FGF10: variants seen among roughly 807,000 people sequenced by gnomAD.
FGF10 encodes the protein fibroblast growth factor 10.
In FGF10, 2 loss-of-function variants were observed where a neutral mutation model predicts 19.8. The observed-to-expected ratio is 0.10, with a 90% CI of 0.04 to 0.32. The LOEUF (loss-of-function observed/expected upper bound fraction) is 0.32, where lower values mean the gene tolerates loss of function less well. Ranked by LOEUF, FGF10 falls within the 10% of genes least tolerant of loss-of-function variation. FGF10 has a pLI of 1.00. For synonymous variants in FGF10, 112 were observed against 94.0 expected, an observed-to-expected ratio of 1.19 and a Z score of -1.10; for missense variants, 191 against 246.3, an observed-to-expected ratio of 0.78 and a Z score of 1.50.
chr5:44,380,094 G>A (rs924461429), intron 1 of FGF10, among the ~76,000 whole-genome samples: 21 of 151,954 alleles, frequency 1.4e-4, no homozygotes, highest in Non-Finnish European at 2.9e-4. Flanking sequence ...CCCAAAATCT[G>A]GTAATTACTG....
chr5:44,369,282 A>G (rs549808138), intron 1 of FGF10, among the ~76,000 whole-genome samples: 11 of 152,238 alleles, frequency 7.2e-5, no homozygotes, highest in African/African-American at 2.4e-4. Flanking sequence ...TCAATAAACC[A>G]TAAGACATTA....
chr5:44,383,286 A>G (rs1393886940), intron 1 of FGF10, among the ~76,000 whole-genome samples: 1 of 151,768 alleles, frequency 6.6e-6, no homozygotes, highest in African/African-American at 2.4e-5. Flanking sequence ...TTCTAAAGAA[A>G]TGCACTGGAA....
At chr5:44,345,274 G>C (rs1264189228) in intron 1 of FGF10, among the ~76,000 whole-genome samples, 1 of 151,732 alleles carries the variant, frequency 6.6e-6, no homozygotes. Flanking sequence ...GACTTGATTT[G>C]AAGATACCTT....
In FGF10 at chr5:44,365,377, A is replaced by T. The variant is rs575247135; in HGVS notation, c.325+22981T>A. Among the ~76,000 whole-genome samples, 16 of 149,870 alleles carry T rather than the reference A, an allele frequency of 1.1e-4. 3 individuals are homozygous for T. In the South Asian group the frequency reaches 3.4e-3, roughly 32 times the overall value. On this transcript the variant is annotated intron_variant, in intron 1 of 2. Coordinates refer to ENST00000264664, the MANE Select transcript of FGF10 (RefSeq NM_004465.2). ...AAAAAAAAAAAAAAAGAGAGAGGTA[A>T]AAAGCTCCTTTTTGTTATTGCTTCT...
At chr5:44,330,813 A>G (rs1740716744) in intron 1 of FGF10, among the ~76,000 whole-genome samples, 1 of 152,174 alleles carries the variant, frequency 6.6e-6, no homozygotes, top group African/African-American at 2.4e-5. Context: ...AAATGTCAAA[A>G]TTACAATTTA....
chr5:44,379,471 C>T (rs532599036), intron 1 of FGF10, among the ~76,000 whole-genome samples: 22 of 152,304 alleles, frequency 1.4e-4, no homozygotes, highest in African/African-American at 4.1e-4. Flanking sequence ...ACTCTTACCT[C>T]GCAGTTTGCC....
At chr5:44,328,925 A>G (rs990999087) in intron 1 of FGF10, among the ~76,000 whole-genome samples, 8 of 152,154 alleles carry the variant, frequency 5.3e-5, no homozygotes, top group Non-Finnish European at 8.8e-5. Context: ...TGAGCCCAGG[A>G]GTTTGAAGCT....
intron 1 of FGF10, among the ~76,000 whole-genome samples, chr5:44,356,028 C>G (rs910372867): frequency 6.6e-6 from 1 of 151,458 alleles, no homozygotes; most frequent in African/African-American, 2.4e-5. Flanking sequence ...TTAATTCCAG[C>G]TCCATTCCTA....
At chr5:44,322,051 C>A (rs553408646) in intron 1 of FGF10, among the ~76,000 whole-genome samples, 1 of 152,270 alleles carries the variant, frequency 6.6e-6, no homozygotes, top group Admixed American at 6.5e-5. Flanking sequence ...GTGTGAGCCA[C>A]TGCGCCCAGC....
In FGF10 at chr5:44,388,521, G is replaced by A. The variant is rs202211960; in HGVS notation, c.162C>T (p.Ser54=). 1.2e-6 allele frequency: 2 copies of A among 1,614,184 alleles called. No individual in the cohort carries two copies. Among genetic ancestry groups the A allele is most frequent in the Non-Finnish European group, 8.5e-7 (1 of 1,180,046 alleles). Residue 54 remains serine (S), a synonymous_variant, in exon 1 of 3, where the codon TCC becomes TCT. Coordinates refer to ENST00000264664, the MANE Select transcript of FGF10 (RefSeq NM_004465.2). The part of the protein sequence containing the change: ...MVSPEATNSS[S]SSFSSPSSAG... The stretch of plus-strand genomic sequence containing the variant: ...CGCTGGAAGGAGAGGAGAAGGAGGA[G>A]GAAGAAGAGTTGGTGGCCTCTGGTG...
intron 1 of FGF10, among the ~76,000 whole-genome samples, chr5:44,311,383 C>T (rs190785077): frequency 6.6e-6 from 1 of 152,178 alleles, no homozygotes; most frequent in East Asian, 1.9e-4. Context: ...GGAACTAAAA[C>T]TACTTATTTC....
chr5:44,368,039 T>G (rs1350696109), intron 1 of FGF10, among the ~76,000 whole-genome samples: 1 of 152,024 alleles, frequency 6.6e-6, no homozygotes, highest in Non-Finnish European at 1.5e-5. Flanking sequence ...AAATATGACT[T>G]TAATAACAAC....
chr5:44,339,477 G>A (rs919939435), intron 1 of FGF10, among the ~76,000 whole-genome samples: 3 of 152,156 alleles, frequency 2.0e-5, no homozygotes, highest in Non-Finnish European at 4.4e-5. Flanking sequence ...GGGGATAAGA[G>A]CTTTCTTTAT....
chr5:44,317,650 A>G (rs1350823026), intron 1 of FGF10, among the ~76,000 whole-genome samples: 3 of 152,284 alleles, frequency 2.0e-5, no homozygotes, highest in Non-Finnish European at 4.4e-5. Flanking sequence ...ATAAGTGAAC[A>G]AATATTTGCA....
At chr5:44,383,082 T>C (rs923484353) in intron 1 of FGF10, among the ~76,000 whole-genome samples, 3 of 152,100 alleles carry the variant, frequency 2.0e-5, no homozygotes, top group African/African-American at 7.2e-5. Context: ...TTAGGAAAGA[T>C]GTAGTTATTC....
chr5:44,336,603 C>T (rs1322226663), intron 1 of FGF10, among the ~76,000 whole-genome samples: 2 of 152,118 alleles, frequency 1.3e-5, no homozygotes, highest in Non-Finnish European at 1.5e-5. Flanking sequence ...AATGCTTATA[C>T]ATTTGGACTT....
intron 1 of FGF10, 60 bp downstream of exon 1, chr5:44,388,298 C>T (rs375875663): frequency 2.7e-6 from 4 of 1,495,636 alleles, no homozygotes; most frequent in African/African-American, 2.8e-5. Flanking sequence ...CAGATTTTTC[C>T]CCCCCGTGTG....
intron 1 of FGF10, among the ~76,000 whole-genome samples, chr5:44,344,548 G>A (rs1741039962): frequency 1.1e-5 from 1 of 94,040 alleles, no homozygotes; most frequent in African/African-American, 4.0e-5. Flanking sequence ...CAAAATTAGG[G>A]TTTTACTGTT....
intron 1 of FGF10, among the ~76,000 whole-genome samples, chr5:44,329,486 A>G (rs1048309304): frequency 1.3e-5 from 2 of 152,064 alleles, no homozygotes; most frequent in Admixed American, 6.5e-5. Context: ...AGTCTTTTCT[A>G]TATTTGTAGA....
Sources: gnomAD v4.1 joint callset for allele counts (sites outside exome capture counted in the v4.1 genomes callset) on GRCh38, gnomAD v4.1.1 for gene constraint, MANE v1.5 for transcripts, NCBI Gene and HGNC (gene_info 2026-07-23, HGNC 2026-07-21) for gene names.